Variants in SREK1IP1 observed in about 807,000 individuals in gnomAD.
SREK1IP1 encodes SREK1 interacting protein 1.
Under a neutral mutation model 22.8 loss-of-function variants are expected in SREK1IP1, and 12 were observed. The ratio of observed to expected loss-of-function variants is 0.53; its 90% CI spans 0.34 to 0.85. The LOEUF is 0.85. Among genes scored for constraint, SREK1IP1 ranks in the 40% least tolerant of loss-of-function variants. The probability of loss-of-function intolerance (pLI) is 0.02; values close to 1 mark genes in which losing one functional copy is unlikely to be tolerated. For synonymous variants in SREK1IP1, 53 were observed against 52.7 expected, an observed-to-expected ratio of 1.01 and a Z score of -0.02; for missense variants, 147 against 171.8, an observed-to-expected ratio of 0.86 and a Z score of 0.81.
At chr5:64,738,044 G>A (rs1057470059) in intron 3 of SREK1IP1, among the ~76,000 whole-genome samples, 5 of 152,148 alleles carry the variant, frequency 3.3e-5, no homozygotes, top group African/African-American at 1.2e-4. Flanking sequence ...AAGAACTGGA[G>A]AGAAGAGATC....
At chr5:64,735,474 T>C (rs1460262008) in intron 3 of SREK1IP1, among the ~76,000 whole-genome samples, 1 of 152,124 alleles carries the variant, frequency 6.6e-6, no homozygotes, top group African/African-American at 2.4e-5. Flanking sequence ...TTTAAATGTT[T>C]TCTCATAAGA....
intron 2 of SREK1IP1, among the ~76,000 whole-genome samples, chr5:64,746,335 C>T (rs1425737808): frequency 6.6e-6 from 1 of 151,990 alleles, no homozygotes; most frequent in East Asian, 1.9e-4. Flanking sequence ...ACACCAAAAG[C>T]ACAAGCAACA....
At chr5:64,729,963 G>C (rs1742349129) in intron 3 of SREK1IP1, among the ~76,000 whole-genome samples, 1 of 152,172 alleles carries the variant, frequency 6.6e-6, no homozygotes, top group Admixed American at 6.5e-5. Context: ...CACACACACT[G>C]ATCAGCTTAT....
chr5:64,740,033 C>A (rs1316979537), intron 3 of SREK1IP1, among the ~76,000 whole-genome samples: 1 of 152,018 alleles, frequency 6.6e-6, no homozygotes. Flanking sequence ...GTGATATTTA[C>A]CATAGTGCAT....
In SREK1IP1 at chr5:64,727,553, A is replaced by ATATATATTTTTTT; in HGVS notation, c.278+553_278+554insAAAAAAATATATA. On this transcript the variant is annotated intron_variant, in intron 4 of 4. Coordinates refer to ENST00000513458, the MANE Select transcript of SREK1IP1 (RefSeq NM_173829.4). Reference sequence around the variant, plus strand: ...TACATATATATATATATATATATATATTTTTTTTTTTTTGGTGGGCGGGGG... The same window carrying ATATATATTTTTTT: ...TACATATATATATATATATATATATATATATATTTTTTTTTTTTTTTTTTTTGGTGGGCGGGGG... 6.5e-4 allele frequency: 55 copies of ATATATATTTTTTT among 84,664 alleles called. 1 individual carries two copies. The highest frequency in any genetic ancestry group is 3.0e-3 in the African/African-American group (54 of 18,206). The allele number at this position is 84,664 out of a possible 1,614,324, so 5.2% of individuals were successfully genotyped here. A position where few individuals can be genotyped will look rare whatever the true frequency, so the allele number is the denominator to read the frequency against.
At chr5:64,726,508 G>A (rs754579536) in intron 4 of SREK1IP1, among the ~76,000 whole-genome samples, 5 of 151,162 alleles carry the variant, frequency 3.3e-5, no homozygotes, top group South Asian at 2.1e-4. Flanking sequence ...CCCGGGAGGC[G>A]GAGCTTGAAG....
intron 2 of SREK1IP1, among the ~76,000 whole-genome samples, chr5:64,747,409 A>G (rs1742656787): frequency 6.6e-6 from 1 of 152,204 alleles, no homozygotes; most frequent in South Asian, 2.1e-4. Flanking sequence ...CATGCTATGA[A>G]TAATAAAAGA....
chr5:64,765,142 T>C (rs1743013234), intron 1 of SREK1IP1: 1 of 152,200 alleles, frequency 6.6e-6, no homozygotes, highest in Admixed American at 6.5e-5. Context: ...GAAAAGCAGT[T>C]TTTTCAAAGA....
At chr5:64,749,092 A>AAT (rs1742697038) in intron 2 of SREK1IP1, among the ~76,000 whole-genome samples, 1 of 147,926 alleles carries the variant, frequency 6.8e-6, no homozygotes, top group African/African-American at 2.5e-5. Context: ...TAATAATAAT[A>AAT]ATAATAATAA....
chr5:64,727,443 T>TC (rs1380576348), intron 4 of SREK1IP1, among the ~76,000 whole-genome samples: 2 of 119,092 alleles, frequency 1.7e-5, no homozygotes, highest in African/African-American at 3.7e-5. Context: ...TTCACAACCC[T>TC]CATCAGCCAC....
At chr5:64,735,211 A>G (rs1742441569) in intron 3 of SREK1IP1, among the ~76,000 whole-genome samples, 1 of 151,978 alleles carries the variant, frequency 6.6e-6, no homozygotes, top group African/African-American at 2.4e-5. Flanking sequence ...ACTTCTGAAT[A>G]TAAAACAAAT....
intron 2 of SREK1IP1, among the ~76,000 whole-genome samples, chr5:64,751,049 TAC>T (rs1742731033): frequency 6.6e-6 from 1 of 152,222 alleles, no homozygotes; most frequent in South Asian, 2.1e-4. Context: ...GGCCTGAATC[TAC>T]ACACTTTGTT....
At chr5:64,767,908 C>T (rs1255146367) in intron 1 of SREK1IP1, among the ~76,000 whole-genome samples, 1 of 152,072 alleles carries the variant, frequency 6.6e-6, no homozygotes, top group African/African-American at 2.4e-5. Context: ...CAGAGTTCAC[C>T]GTTTTTAGGT....
At chr5:64,731,276 G>A (rs115482981) in intron 3 of SREK1IP1, among the ~76,000 whole-genome samples, 202 of 152,080 alleles carry the variant, frequency 1.3e-3, no homozygotes, top group African/African-American at 4.8e-3. Flanking sequence ...ACAATTGAGA[G>A]TTTGAGGCTG....
At chr5:64,762,470 G>T (rs1342640546) in intron 1 of SREK1IP1, among the ~76,000 whole-genome samples, 1 of 152,054 alleles carries the variant, frequency 6.6e-6, no homozygotes, top group Non-Finnish European at 1.5e-5. Context: ...TATTTTATAA[G>T]TGGTAATATC....
intron 2 of SREK1IP1, among the ~76,000 whole-genome samples, chr5:64,748,807 T>TAAG (rs1742687807): frequency 6.6e-6 from 1 of 152,152 alleles, no homozygotes. Context: ...ACATAGCTAG[T>TAAG]AAGTGCCAGC....
At chr5:64,748,000 A>G (rs532941263) in intron 2 of SREK1IP1, among the ~76,000 whole-genome samples, 1 of 152,230 alleles carries the variant, frequency 6.6e-6, no homozygotes, top group Non-Finnish European at 1.5e-5. Flanking sequence ...TCCTATGTAC[A>G]TACCCCAAAG....
intron 1 of SREK1IP1, among the ~76,000 whole-genome samples, chr5:64,755,999 C>T (rs1212906823): frequency 6.6e-6 from 1 of 151,986 alleles, no homozygotes; most frequent in African/African-American, 2.4e-5. Flanking sequence ...AAATTCAACA[C>T]TCAAATTTTG....
intron 1 of SREK1IP1, among the ~76,000 whole-genome samples, 182 bp downstream of exon 1, chr5:64,768,323 T>C (rs941663753): frequency 6.6e-6 from 1 of 152,258 alleles, no homozygotes; most frequent in East Asian, 1.9e-4. Flanking sequence ...ATAGTTATTT[T>C]CTTTCCTTCA....
Sources: allele counts gnomAD v4.1 joint callset (sites outside exome capture counted in the v4.1 genomes callset), GRCh38; gene constraint gnomAD v4.1.1; transcripts MANE v1.5; gene names NCBI Gene and HGNC (gene_info 2026-07-23, HGNC 2026-07-21).